Variants in TBC1D1 observed in about 807,000 individuals in gnomAD.
The protein encoded by TBC1D1 is TBC1 (tre-2/USP6, BUB2, cdc16) domain family, member 1.
A neutral mutation model predicts 125.6 loss-of-function variants in TBC1D1; 89 were observed. That is an observed-to-expected ratio of 0.71 (90% confidence interval 0.60 to 0.85). The LOEUF (loss-of-function observed/expected upper bound fraction) is 0.85. Ranked by LOEUF, TBC1D1 falls within the 40% of genes least tolerant of loss-of-function variation. The pLI, the probability that TBC1D1 is intolerant of heterozygous loss-of-function variation, is 0.00. For missense variants in TBC1D1, 1,377 were observed against 1,469.2 expected (o/e 0.94, Z 1.03); for synonymous variants, 565 against 564.1 (o/e 1.00, Z -0.02).
chr4:38,118,119 C>T lies in TBC1D1; in HGVS notation c.2889C>T (p.Ser963=), dbSNP rs1467344185. 3.8e-5 allele frequency: 62 copies of T among 1,614,078 alleles called. 1 individual carries two copies. In the East Asian group the frequency reaches 1.4e-3, roughly 35 times the overall value. ...TGGAGGAGCACGAGATCGGCCCCAG[C>T]CTCTACGCTGCCCCCTGGTTCCTCA... The change falls in exon 17 of 20, where the codon AGC becomes AGT. Residue 963 remains serine (S), a synonymous_variant. Transcript: ENST00000261439.
At position 38,125,045 on chromosome 4, in the gene TBC1D1, C is replaced by T; in HGVS notation, c.3046C>T (p.His1016Tyr). Residue 1016 changes from histidine to tyrosine, a missense_variant, in exon 18 of 20, where the codon CAT (histidine) becomes TAT (tyrosine). His to Tyr is a moderately conservative substitution (Grantham distance 83). Transcript: ENST00000261439. ...AAGCCATAAGCCCTTGATTCTGCAG[C>T]ATGAAAACCTAGAAACCATAGTTGA... 6.2e-7 allele frequency: 1 copy of T among 1,614,098 alleles called. No homozygotes were observed. The highest frequency in any genetic ancestry group is 8.5e-7 in the Non-Finnish European group (1 of 1,180,004).
intron 2 of TBC1D1, among the ~76,000 whole-genome samples, chr4:37,949,078 A>C (rs1403512989): frequency 6.6e-6 from 1 of 152,184 alleles, no homozygotes; most frequent in Non-Finnish European, 1.5e-5. Context: ...TGCTATTCTC[A>C]ATCAGTTTTA....
chr4:37,897,354 C>G (rs1014332028), intron 1 of TBC1D1, among the ~76,000 whole-genome samples: 1 of 152,154 alleles, frequency 6.6e-6, no homozygotes, highest in African/African-American at 2.4e-5. Flanking sequence ...TTCACCTGAT[C>G]TAAGTTACCC....
intron 7 of TBC1D1, among the ~76,000 whole-genome samples, chr4:38,028,511 A>G (rs1293352720): frequency 6.6e-6 from 1 of 152,236 alleles, no homozygotes; most frequent in Non-Finnish European, 1.5e-5. Context: ...GTGTTGGGCT[A>G]CATTCAGAGC....
At chr4:37,939,316 A>G (rs1725046961) in intron 2 of TBC1D1, among the ~76,000 whole-genome samples, 1 of 152,190 alleles carries the variant, frequency 6.6e-6, no homozygotes, top group African/African-American at 2.4e-5. Context: ...TGGCTGCATA[A>G]ATGTCTTCTT....
intron 12 of TBC1D1, among the ~76,000 whole-genome samples, chr4:38,079,728 C>CA (rs5857594): frequency 0.24 from 34,286 of 140,826 alleles, 4,385 homozygotes; most frequent in East Asian, 0.46. Context: ...GACTCCATCT[C>CA]AAAAAAAAAA....
intron 2 of TBC1D1, among the ~76,000 whole-genome samples, chr4:37,945,216 C>A (rs563685781): frequency 6.6e-6 from 1 of 152,142 alleles, no homozygotes; most frequent in Non-Finnish European, 1.5e-5. Flanking sequence ...TGTGACCTCT[C>A]AAGAGCCTAC....
chr4:38,091,990 A>G, intron 13 of TBC1D1, among the ~76,000 whole-genome samples: 1 of 152,260 alleles, frequency 6.6e-6, no homozygotes, highest in East Asian at 1.9e-4. Flanking sequence ...GTGAAAACAC[A>G]ATAAACTTGC....
chr4:38,083,856 T>A (rs1402325369), intron 12 of TBC1D1, among the ~76,000 whole-genome samples: 1 of 152,176 alleles, frequency 6.6e-6, no homozygotes, highest in Non-Finnish European at 1.5e-5. Flanking sequence ...CTACCCTGAT[T>A]CATACTTGGA....
chr4:38,008,688 T>C (rs1336713226), intron 2 of TBC1D1, among the ~76,000 whole-genome samples: 1 of 152,220 alleles, frequency 6.6e-6, no homozygotes, highest in Non-Finnish European at 1.5e-5. Context: ...TGGCAAGATG[T>C]AACACATTAA....
chr4:38,081,998 G>A (rs1427003832), intron 12 of TBC1D1, among the ~76,000 whole-genome samples: 2 of 152,166 alleles, frequency 1.3e-5, no homozygotes, highest in African/African-American at 4.8e-5. Context: ...TTATCCGTTG[G>A]TGGTGAAGAT....
chr4:38,119,862 C>T lies in TBC1D1; in HGVS notation c.2962+1670C>T, dbSNP rs147740938. The T allele has an allele frequency of 4.2e-6, 3 of 717,370 alleles. No homozygotes were observed. In the East Asian group the frequency reaches 4.0e-4, roughly 94 times the overall value. 44.4% of individuals were successfully genotyped at this position (717,370 alleles called of 1,614,324 possible). ...CCAAGGCAACCAGGCTGACCACAGA[C>T]TGGAGGGCTGAGGGGTCATCACTGA... On this transcript the variant is annotated intron_variant, in intron 17 of 19. Transcript: ENST00000261439.
chr4:37,931,943 G>A (rs999366960), intron 2 of TBC1D1, among the ~76,000 whole-genome samples: 3 of 152,144 alleles, frequency 2.0e-5, no homozygotes, highest in Non-Finnish European at 2.9e-5. Flanking sequence ...TCAAATTAAT[G>A]AATTAGATCT....
intron 13 of TBC1D1, among the ~76,000 whole-genome samples, chr4:38,093,091 G>A (rs1264077522): frequency 1.3e-5 from 2 of 152,160 alleles, no homozygotes; most frequent in African/African-American, 2.4e-5. Flanking sequence ...GACATTATTT[G>A]AGGACCTGCT....
chr4:38,137,096 A>G (rs1766758447), intron 19 of TBC1D1, 39 bp from the exon 22 acceptor site: 1 of 1,611,512 alleles, frequency 6.2e-7, no homozygotes, highest in Admixed American at 1.7e-5. Context: ...CTGTGTTAGC[A>G]CTGGCAATTG....
intron 12 of TBC1D1, among the ~76,000 whole-genome samples, chr4:38,077,371 G>A (rs548922635): frequency 6.6e-6 from 1 of 152,316 alleles, no homozygotes; most frequent in African/African-American, 2.4e-5. Flanking sequence ...TTGGAAAGCT[G>A]CAGCTATTGA....
At chr4:37,901,855 G>A (rs1162676340) in intron 1 of TBC1D1, 148 bp from the exon 2 acceptor site, 1 of 417,912 alleles carries the variant, frequency 2.4e-6, no homozygotes, top group Admixed American at 4.1e-5. Flanking sequence ...ACAATTTTGA[G>A]AAAGTTCTTT....
At chr4:38,135,924 ATGTGTG>A (rs57275262) in intron 19 of TBC1D1, among the ~76,000 whole-genome samples, 1,676 of 145,072 alleles carry the variant, frequency 0.012, 19 homozygotes, top group African/African-American at 0.031. Context: ...GTGTGTGTAT[ATGTGTG>A]TGTGTGTGTG....
chr4:38,018,477 A>G (rs775477156), intron 4 of TBC1D1, 34 bp downstream of exon 4: 6 of 1,332,568 alleles, frequency 4.5e-6, no homozygotes, highest in Admixed American at 2.0e-5. Flanking sequence ...TTCAATTGCA[A>G]TGGAATTTTT....
Sources: allele counts gnomAD v4.1 joint callset (sites outside exome capture counted in the v4.1 genomes callset), GRCh38; gene constraint gnomAD v4.1.1; transcripts MANE v1.5; gene names NCBI Gene and HGNC (gene_info 2026-07-23, HGNC 2026-07-21).